ADPRS: variants seen among roughly 807,000 people sequenced by gnomAD.
ADPRS encodes the protein ADP-ribosylserine hydrolase.
ADPRS carries 25 observed loss-of-function variants against 32.1 expected under a neutral mutation model. The observed-to-expected ratio is 0.78, with a 90% CI of 0.57 to 1.09. The LOEUF is 1.09. Ranked by LOEUF, ADPRS falls within the 50% of genes least tolerant of loss-of-function variation. The pLI is 0.00. For missense variants in ADPRS, 482 were observed against 480.6 expected (o/e 1.00, Z -0.03); for synonymous variants, 225 against 201.0 (o/e 1.12, Z -1.01).
rs781260309 is a variant in ADPRS at position 36,091,251 on chromosome 1, G to T, written c.219G>T (p.Leu73Phe). 1.1e-5 allele frequency: 17 copies of T among 1,614,096 alleles called. No individual in the cohort carries two copies. Among genetic ancestry groups the T allele is most frequent in the African/African-American group, 2.7e-5 (2 of 75,052 alleles). Residue 73 changes from leucine to phenylalanine, a missense_variant, in exon 2 of 6, where the codon TTG becomes TTT. By Grantham distance (22) the Leu-to-Phe change is conservative. Coordinates refer to ENST00000373178, the MANE Select transcript of ADPRS (RefSeq NM_017825.3). ...GTPGSERTEA[L>F]YYTDDTAMAR... The stretch of plus-strand genomic sequence containing the variant: ...TCCCTCCTCTCCCCACAGAAGCCTT[G>T]TACTACACAGATGACACAGCCATGG...
intron 2 of ADPRS, 135 bp downstream of exon 2, chr1:36,091,475 C>T (rs1643482482): frequency 1.5e-5 from 18 of 1,207,248 alleles, no homozygotes; most frequent in Non-Finnish European, 2.1e-5. Context: ...CACAGCTTCC[C>T]AAGCTAAAAC....
rs1275608083 is a variant in ADPRS, at chr1:36,091,709, G to A, written c.400G>A (p.Asp134Asn). ...GAAGCTCCTGAACCCCAAATGTCGCGATGTCTTTGAGCCTGCCCGGGCCCA... is the reference window on the plus strand; with the variant it reads ...GAAGCTCCTGAACCCCAAATGTCGCAATGTCTTTGAGCCTGCCCGGGCCCA... ...FKKLLNPKCR[D>N]VFEPARAQFN... The change falls in exon 3 of 6, where the codon GAT becomes AAT. Residue 134 changes from aspartate (D) to asparagine (N), a missense_variant. Transcript: ENST00000373178. 1.4e-5 allele frequency: 23 copies of A among 1,613,848 alleles called. No homozygotes were observed. Among genetic ancestry groups the A allele is most frequent in the East Asian group, 2.2e-5 (1 of 44,896 alleles).
intron 4 of ADPRS, 49 bp downstream of exon 4, chr1:36,092,143 G>T: frequency 6.5e-7 from 1 of 1,545,982 alleles, no homozygotes; most frequent in South Asian, 1.2e-5. Flanking sequence ...GGTGATCCAG[G>T]GGGCCTCTGG....
chr1:36,089,823 G>T (rs1194543773), intron 1 of ADPRS, among the ~76,000 whole-genome samples: 1 of 152,172 alleles, frequency 6.6e-6, no homozygotes, highest in Non-Finnish European at 1.5e-5. Flanking sequence ...TCTAGGCCAG[G>T]CGTTTGCATG....
In ADPRS at chr1:36,093,150, C is replaced by T. The variant is rs756440961; in HGVS notation, c.856C>T (p.Arg286Cys). Residue 286 changes from arginine to cysteine, a missense_variant, in exon 6 of 6, where the codon CGC (arginine) becomes TGC (cysteine). Physicochemically the swap from Arg to Cys is radical, Grantham distance 180. Transcript: ENST00000373178. ...ACCCACCGCCATCTACTGCTTCCTA[C>T]GCTGCATGGAGCCAGACCCTGAGAT... The part of the protein sequence containing the change: ...SVPTAIYCFL[R>C]CMEPDPEIPS... 8.1e-6 allele frequency: 13 copies of T among 1,614,106 alleles called. No homozygotes were observed. Among genetic ancestry groups the T allele is most frequent in the Admixed American group, 1.7e-5 (1 of 60,014 alleles).
chr1:36,092,928 C>T (rs768362456), intron 5 of ADPRS, among the ~76,000 whole-genome samples, 169 bp from the exon 6 acceptor site: 25 of 152,222 alleles, frequency 1.6e-4, no homozygotes, highest in Non-Finnish European at 2.9e-4. Context: ...AGGTAACTCT[C>T]CCAGTCACGC....
At chr1:36,089,571 C>A (rs1006554131) in intron 1 of ADPRS, among the ~76,000 whole-genome samples, 1 of 152,114 alleles carries the variant, frequency 6.6e-6, no homozygotes, top group African/African-American at 2.4e-5. Context: ...CTCTTTTTCC[C>A]GGTTCTCTAG....
At chr1:36,091,432 C>T in intron 2 of ADPRS, 92 bp downstream of exon 2, 1 of 1,327,680 alleles carries the variant, frequency 7.5e-7, no homozygotes, top group South Asian at 1.2e-5. Flanking sequence ...TGTCCACGCC[C>T]CCAACCCTCC....
chr1:36,091,585 A>T (rs1169685199), intron 2 of ADPRS, 33 bp from the exon 3 acceptor site: 38 of 1,544,908 alleles, frequency 2.5e-5, no homozygotes, highest in African/African-American at 4.1e-5. Flanking sequence ...GCATCTTGTA[A>T]ATCTGAATTC....
rs2124054542 is a variant in ADPRS at position 36,091,738 on chromosome 1, T to G, written c.429T>G (p.Phe143Leu). The G allele has an allele frequency of 2.5e-6, 4 of 1,613,588 alleles. No homozygotes were observed. Among genetic ancestry groups the G allele is most frequent in the Non-Finnish European group, 3.4e-6 (4 of 1,179,814 alleles). Residue 143 changes from phenylalanine to leucine, a missense_variant, in exon 3 of 6, where the codon TTT (phenylalanine) becomes TTG (leucine). By Grantham distance (22) the Phe-to-Leu change is conservative. Coordinates refer to ENST00000373178, the MANE Select transcript of ADPRS (RefSeq NM_017825.3). ...TCTTTGAGCCTGCCCGGGCCCAGTT[T>G]AACGGGAAAGGCTCCTATGGCAATG... ...RDVFEPARAQ[F>L]NGKGSYGNGG...
At chr1:36,091,499 G>T in intron 2 of ADPRS, 119 bp from the exon 3 acceptor site, 1 of 1,213,160 alleles carries the variant, frequency 8.2e-7, no homozygotes, top group Non-Finnish European at 1.2e-6. Flanking sequence ...AGCACTGCTG[G>T]TGCAGGCTCC....
In ADPRS at chr1:36,091,722, C is replaced by A; in HGVS notation, c.413C>A (p.Pro138His). ...CCCAAATGTCGCGATGTCTTTGAGC[C>A]TGCCCGGGCCCAGTTTAACGGGAAA... ...LNPKCRDVFE[P>H]ARAQFNGKGS... Residue 138 changes from proline (P) to histidine (H), a missense_variant, in exon 3 of 6, where the codon CCT (proline) becomes CAT (histidine). Pro to His is a moderately conservative substitution (Grantham distance 77, BLOSUM62 -2). Coordinates refer to ENST00000373178, the MANE Select transcript of ADPRS (RefSeq NM_017825.3). 1 of 1,613,912 alleles carries A rather than the reference C, an allele frequency of 6.2e-7. No individual in the cohort carries two copies.
In ADPRS at chr1:36,093,464, T is replaced by G; in HGVS notation, c.*78T>G. 6.5e-7 allele frequency: 1 copy of G among 1,527,842 alleles called. No individual in the cohort carries two copies. Among genetic ancestry groups the G allele is most frequent in the South Asian group, 1.3e-5 (1 of 78,750 alleles). 94.6% of individuals were successfully genotyped at this position (1,527,842 alleles called of 1,614,324 possible). A position where few individuals can be genotyped will look rare whatever the true frequency, so the allele number is the denominator to read the frequency against. ...TCCAATCAGAAACCCTGCGCTTCCT[T>G]GAGTGTGGCTTCCCACTTTTCCTGC... On this transcript the variant is annotated 3_prime_UTR_variant, in exon 6 of 6. Coordinates refer to ENST00000373178, the MANE Select transcript of ADPRS (RefSeq NM_017825.3).
rs200293603 is a variant in ADPRS, at chr1:36,093,087, T to G, written c.803-10T>G. On this transcript the variant is annotated splice_polypyrimidine_tract_variant and intron_variant, in intron 5 of 5. Transcript: ENST00000373178. ...AAGCATGCAGCCCCTCTAACCTGGC[T>G]TCCCCACAGGGAATGGCATTGCTGC... The G allele has an allele frequency of 8.7e-6, 14 of 1,610,812 alleles. No individual in the cohort carries two copies. In the East Asian group the frequency reaches 3.1e-4, roughly 36 times the overall value.
intron 2 of ADPRS, 97 bp from the exon 3 acceptor site, chr1:36,091,521 A>G (rs2124053832): frequency 1.5e-6 from 2 of 1,318,444 alleles, no homozygotes; most frequent in African/African-American, 1.5e-5. Context: ...TAGGCCCCCG[A>G]GGCTTTCTCT....
At chr1:36,092,245 A>G (rs995840496) in intron 4 of ADPRS, 151 bp downstream of exon 4, 12 of 1,259,460 alleles carry the variant, frequency 9.5e-6, no homozygotes, top group South Asian at 1.5e-5. Flanking sequence ...CAAGGCTCTC[A>G]GGGTCCCAGA....
Position 36,092,099 on chromosome 1 carries a change from G to A in ADPRS, c.701+5G>A. On this transcript the variant is annotated splice_donor_5th_base_variant and intron_variant, in intron 4 of 5. Coordinates refer to ENST00000373178, the MANE Select transcript of ADPRS (RefSeq NM_017825.3). ...GTCCGTCTTGGATGCCAGGGAGTGA[G>A]TATGGGGCTGGAGGTGTGTGGTGTG... 1 of 1,600,272 alleles carries A rather than the reference G, an allele frequency of 6.2e-7. No homozygotes were observed. Among genetic ancestry groups the A allele is most frequent in the Non-Finnish European group, 8.5e-7 (1 of 1,171,316 alleles).
Position 36,093,523 on chromosome 1 carries a change from G to A in ADPRS, c.*137G>A, listed in dbSNP as rs1450463385. On this transcript the variant is annotated 3_prime_UTR_variant, in exon 6 of 6. Transcript: ENST00000373178. Reference sequence around the variant, plus strand: ...GCTGACTGAGTACACCGGTGAGGCTGGGGTCTCTGCAGGGGAGGTCACTGG... The same window carrying A: ...GCTGACTGAGTACACCGGTGAGGCTAGGGTCTCTGCAGGGGAGGTCACTGG... 8.3e-6 allele frequency: 10 copies of A among 1,199,952 alleles called. No homozygotes were observed. The East Asian group carries it at 2.5e-4, about 30-fold the overall frequency. The allele number at this position is 1,199,952 out of a possible 1,614,324, so 74.3% of individuals were successfully genotyped here. A position where few individuals can be genotyped will look rare whatever the true frequency, so the allele number is the denominator to read the frequency against.
intron 4 of ADPRS, 86 bp downstream of exon 4, chr1:36,092,180 C>A: frequency 6.7e-7 from 1 of 1,487,948 alleles, no homozygotes; most frequent in South Asian, 1.3e-5. Context: ...AAACCTTCCT[C>A]AATTGCAGAC....
Sources: gnomAD v4.1 joint callset for allele counts (sites outside exome capture counted in the v4.1 genomes callset) on GRCh38, gnomAD v4.1.1 for gene constraint, MANE v1.5 for transcripts, NCBI Gene and HGNC (gene_info 2026-07-23, HGNC 2026-07-21) for gene names.